ATE1: variants seen among roughly 807,000 people sequenced by gnomAD.
The protein encoded by ATE1 is arginyltransferase 1.
A neutral mutation model predicts 70.5 loss-of-function variants in ATE1; 36 were observed. That is an observed-to-expected ratio of 0.51 (90% CI 0.39 to 0.67). ATE1 has a LOEUF of 0.67. Ranked by LOEUF, ATE1 falls within the 30% of genes least tolerant of loss-of-function variation. The pLI is 0.00. For missense variants in ATE1, 593 were observed against 629.5 expected, an observed-to-expected ratio of 0.94 and a Z score of 0.62; for synonymous variants, 232 against 219.3, an observed-to-expected ratio of 1.06 and a Z score of -0.51.
intron 8 of ATE1, among the ~76,000 whole-genome samples, chr10:121,868,872 G>A (rs558917286): frequency 2.0e-5 from 3 of 152,208 alleles, no homozygotes; most frequent in African/African-American, 7.2e-5. Flanking sequence ...CGCCAGTGTA[G>A]GCCACACCAC....
chr10:121,900,421 C>A (rs1950935175), intron 6 of ATE1, among the ~76,000 whole-genome samples: 2 of 152,218 alleles, frequency 1.3e-5, no homozygotes, highest in African/African-American at 4.8e-5. Flanking sequence ...CAACTTAAAA[C>A]TTGACTGTTT....
At chr10:121,921,532 G>C (rs1403349747) in intron 3 of ATE1, among the ~76,000 whole-genome samples, 1 of 111,570 alleles carries the variant, frequency 9.0e-6, no homozygotes, top group Non-Finnish European at 1.8e-5. Context: ...ATAGATTCCT[G>C]TTCTCTGTAA....
At chr10:121,803,392 G>C (rs1004605681) in intron 10 of ATE1, among the ~76,000 whole-genome samples, 1 of 152,142 alleles carries the variant, frequency 6.6e-6, no homozygotes, top group African/African-American at 2.4e-5. Flanking sequence ...TAAGTGACTT[G>C]ATCAAGGCTA....
intron 11 of ATE1, among the ~76,000 whole-genome samples, chr10:121,762,928 T>C (rs1394681284): frequency 6.6e-6 from 1 of 152,232 alleles, no homozygotes; most frequent in Non-Finnish European, 1.5e-5. Context: ...TATGATAAAA[T>C]TGATTTCATT....
At chr10:121,872,929 A>T (rs1194135655) in intron 7 of ATE1, among the ~76,000 whole-genome samples, 2 of 152,158 alleles carry the variant, frequency 1.3e-5, no homozygotes, top group Non-Finnish European at 1.5e-5. Flanking sequence ...TGGGCGTAAT[A>T]TTGAAAACAT....
intron 10 of ATE1, among the ~76,000 whole-genome samples, chr10:121,817,220 A>G (rs1205206357): frequency 1.3e-5 from 2 of 152,224 alleles, no homozygotes; most frequent in Admixed American, 6.5e-5. Flanking sequence ...TTGAACATTT[A>G]CCATAAATCA....
intron 1 of ATE1, chr10:121,927,586 A>C (rs1034580681): frequency 6.2e-6 from 6 of 975,566 alleles, no homozygotes; most frequent in Non-Finnish European, 7.3e-6. Flanking sequence ...TCTACCCCAG[A>C]CGGGCGTCCG....
rs1219972111 is a variant in ATE1, at chr10:121,927,726, G to A, written c.106+118C>T. ...CGGCCCTCCCGAGAGTGCCCCCTCC[G>A]TCTCGGCCGTGGCACTGGGGCCAGG... On this transcript the variant is annotated intron_variant, in intron 1 of 11. Coordinates refer to ENST00000224652, the MANE Select transcript of ATE1 (RefSeq NM_001001976.3). 7 of 1,354,394 alleles carry A rather than the reference G, an allele frequency of 5.2e-6. No homozygotes were observed. In the African/African-American group the frequency reaches 6.2e-5, roughly 12 times the overall value. The allele number at this position is 1,354,394 out of a possible 1,614,324, so 83.9% of individuals were successfully genotyped here.
At chr10:121,927,624 A>T in intron 1 of ATE1, 1 of 950,960 alleles carries the variant, frequency 1.1e-6, no homozygotes, top group Non-Finnish European at 1.3e-6. Flanking sequence ...GACCACCACG[A>T]TTTCGAGAGT....
At chr10:121,812,325 ACAGGAAAAATAT>A (rs1947358103) in intron 10 of ATE1, among the ~76,000 whole-genome samples, 1 of 152,136 alleles carries the variant, frequency 6.6e-6, no homozygotes, top group Non-Finnish European at 1.5e-5. Context: ...CAAATACCAC[ACAGGAAAAATAT>A]CATCTTTCCT....
intron 7 of ATE1, among the ~76,000 whole-genome samples, chr10:121,897,610 A>C (rs1950828180): frequency 2.0e-5 from 3 of 152,128 alleles, no homozygotes; most frequent in Admixed American, 2.0e-4. Flanking sequence ...GGAAGACCAC[A>C]AGATCAAGAG....
At chr10:121,789,766 A>G (rs1233064059) in intron 11 of ATE1, among the ~76,000 whole-genome samples, 1 of 152,206 alleles carries the variant, frequency 6.6e-6, no homozygotes, top group African/African-American at 2.4e-5. Context: ...GTTTGCCTCC[A>G]TGAAACCATC....
chr10:121,781,248 G>A (rs1945975101), intron 11 of ATE1, among the ~76,000 whole-genome samples: 1 of 151,872 alleles, frequency 6.6e-6, no homozygotes, highest in Non-Finnish European at 1.5e-5. Flanking sequence ...GACTCATGCC[G>A]CAACTATGGT....
intron 8 of ATE1, among the ~76,000 whole-genome samples, chr10:121,861,805 C>T (rs1357084703): frequency 6.6e-6 from 1 of 151,690 alleles, no homozygotes; most frequent in African/African-American, 2.4e-5. Flanking sequence ...ATTATCAGGT[C>T]ACATCCAAAA....
chr10:121,808,633 T>C (rs1947193899), intron 10 of ATE1, among the ~76,000 whole-genome samples: 1 of 152,202 alleles, frequency 6.6e-6, no homozygotes, highest in Admixed American at 6.5e-5. Context: ...ACTATAAATA[T>C]TATAGAATAA....
At chr10:121,803,098 T>C (rs987538588) in intron 10 of ATE1, among the ~76,000 whole-genome samples, 5 of 152,152 alleles carry the variant, frequency 3.3e-5, no homozygotes, top group African/African-American at 1.2e-4. Flanking sequence ...ATGCTGTGTT[T>C]CTCTTATTTT....
At chr10:121,818,008 A>G (rs901788120) in intron 10 of ATE1, among the ~76,000 whole-genome samples, 1 of 152,150 alleles carries the variant, frequency 6.6e-6, no homozygotes, top group Non-Finnish European at 1.5e-5. Context: ...AGGATAGTTA[A>G]GGCTGGGCAC....
At chr10:121,862,147 T>C (rs975249800) in intron 8 of ATE1, among the ~76,000 whole-genome samples, 6 of 152,182 alleles carry the variant, frequency 3.9e-5, no homozygotes, top group African/African-American at 1.4e-4. Context: ...TCTGGATATT[T>C]GATTTTCGGT....
chr10:121,756,683 G>A (rs1456896935), intron 11 of ATE1, among the ~76,000 whole-genome samples: 1 of 152,222 alleles, frequency 6.6e-6, no homozygotes, highest in East Asian at 1.9e-4. Context: ...ACCCACTGAA[G>A]CAACAGCCTG....
Sources: allele counts gnomAD v4.1 joint callset (sites outside exome capture counted in the v4.1 genomes callset), GRCh38; gene constraint gnomAD v4.1.1; transcripts MANE v1.5; gene names NCBI Gene and HGNC (gene_info 2026-07-23, HGNC 2026-07-21).